Variants in COL25A1 observed in about 807,000 individuals in gnomAD.
The protein encoded by COL25A1 is collagen alpha-1(XXV) chain.
In COL25A1, 103 loss-of-function variants were observed where a neutral mutation model predicts 128.4. The observed-to-expected ratio is 0.80, with a 90% CI of 0.68 to 0.94. COL25A1 has a LOEUF of 0.94. Among genes scored for constraint, COL25A1 ranks in the 40% least tolerant of loss-of-function variants. COL25A1 has a pLI of 0.00. For synonymous variants in COL25A1, 279 were observed against 277.2 expected (o/e 1.01, Z -0.06); for missense variants, 745 against 840.0 (o/e 0.89, Z 1.40).
chr4:108,878,423 C>T (rs1739712957), intron 19 of COL25A1, among the ~76,000 whole-genome samples: 1 of 152,024 alleles, frequency 6.6e-6, no homozygotes, highest in African/African-American at 2.4e-5. Flanking sequence ...TGTCTTGACA[C>T]TGAATGCATT....
intron 8 of COL25A1, among the ~76,000 whole-genome samples, chr4:108,967,815 G>A (rs752170206): frequency 3.5e-4 from 54 of 152,184 alleles, no homozygotes; most frequent in Non-Finnish European, 7.5e-4. Flanking sequence ...TTCAACCTAG[G>A]AATCCCCGAC....
At chr4:109,254,469 T>TTATATATATATATATATATATATATATA (rs55997800) in intron 3 of COL25A1, among the ~76,000 whole-genome samples, 3 of 59,582 alleles carry the variant, frequency 5.0e-5, no homozygotes, top group African/African-American at 1.7e-4. Flanking sequence ...AGGCATATGT[T>TTATATATATATATATATATATATATATA]TATATATATA....
At chr4:109,109,254 G>A (rs4368681) in intron 3 of COL25A1, among the ~76,000 whole-genome samples, 72,871 of 151,978 alleles carry the variant, frequency 0.48, 20,822 homozygotes, top group Non-Finnish European at 0.67. Context: ...ACACCTGGCT[G>A]TGTCAAGAGT....
intron 3 of COL25A1, among the ~76,000 whole-genome samples, chr4:109,105,240 G>A (rs780145796): frequency 3.9e-5 from 6 of 152,140 alleles, no homozygotes; most frequent in Admixed American, 6.6e-5. Flanking sequence ...TTGGGAGGCC[G>A]AGGCAGGTGG....
At chr4:109,193,643 T>G (rs1291926912) in intron 3 of COL25A1, among the ~76,000 whole-genome samples, 8 of 152,176 alleles carry the variant, frequency 5.3e-5, no homozygotes, top group Admixed American at 5.2e-4. Context: ...TTCTTTTAGT[T>G]TGTTCTCCTG....
At chr4:109,074,246 C>T (rs10010263) in intron 3 of COL25A1, among the ~76,000 whole-genome samples, 14,882 of 152,206 alleles carry the variant, frequency 0.098, 996 homozygotes, top group East Asian at 0.29. Context: ...TGCTGTGCAG[C>T]CCAGTTCCTA....
intron 3 of COL25A1, among the ~76,000 whole-genome samples, chr4:109,172,961 G>C (rs1773727200): frequency 6.6e-6 from 1 of 152,120 alleles, no homozygotes. Flanking sequence ...AAACATCTTA[G>C]GATTGATGAC....
intron 8 of COL25A1, among the ~76,000 whole-genome samples, chr4:108,953,015 C>T (rs1477866570): frequency 1.3e-5 from 2 of 151,926 alleles, no homozygotes; most frequent in African/African-American, 4.8e-5. Context: ...TAATGGTAGC[C>T]TCTTTCCTAT....
chr4:108,844,963 C>T (rs1734912779), intron 29 of COL25A1, among the ~76,000 whole-genome samples: 1 of 152,136 alleles, frequency 6.6e-6, no homozygotes, highest in South Asian at 2.1e-4. Flanking sequence ...TTTTTTTCCT[C>T]AGGATTAGAC....
intron 3 of COL25A1, among the ~76,000 whole-genome samples, chr4:109,237,885 A>G (rs1369808570): frequency 6.6e-6 from 1 of 152,008 alleles, no homozygotes; most frequent in Non-Finnish European, 1.5e-5. Flanking sequence ...TGACTACTCT[A>G]AGTACCTCAT....
chr4:109,220,133 A>G (rs1578475245), intron 3 of COL25A1, among the ~76,000 whole-genome samples: 1 of 152,172 alleles, frequency 6.6e-6, no homozygotes, highest in Non-Finnish European at 1.5e-5. Context: ...ATATTCTATA[A>G]GGGAAAAATT....
intron 3 of COL25A1, among the ~76,000 whole-genome samples, chr4:109,276,886 A>T (rs79122888): frequency 0.031 from 4,665 of 152,238 alleles, 210 homozygotes; most frequent in African/African-American, 0.094. Flanking sequence ...ATAGCCCACC[A>T]CACACTGGAA....
At chr4:109,107,439 T>C (rs984136690) in intron 3 of COL25A1, among the ~76,000 whole-genome samples, 6 of 152,222 alleles carry the variant, frequency 3.9e-5, no homozygotes, top group African/African-American at 1.4e-4. Flanking sequence ...ATATGTATTA[T>C]AGATGTTTTG....
At chr4:109,182,949 C>CAA (rs927854181) in intron 3 of COL25A1, among the ~76,000 whole-genome samples, 4 of 152,068 alleles carry the variant, frequency 2.6e-5, no homozygotes, top group African/African-American at 4.8e-5. Context: ...CACACACACA[C>CAA]AAAGAATCAG....
intron 8 of COL25A1, among the ~76,000 whole-genome samples, chr4:108,969,180 T>C (rs1006498320): frequency 3.3e-5 from 5 of 152,148 alleles, no homozygotes; most frequent in African/African-American, 1.2e-4. Context: ...GTAAACCTTA[T>C]TGATTGGATG....
chr4:108,979,092 T>G (rs1752708197), intron 6 of COL25A1, among the ~76,000 whole-genome samples: 1 of 152,212 alleles, frequency 6.6e-6, no homozygotes, highest in African/African-American at 2.4e-5. Flanking sequence ...ATTAACTTCC[T>G]ACACCAAAGG....
chr4:109,114,112 A>T (rs1049234782), intron 3 of COL25A1, among the ~76,000 whole-genome samples: 1 of 152,116 alleles, frequency 6.6e-6, no homozygotes. Context: ...GAAGTGAAAC[A>T]TCCTTCCCAC....
rs1733970618 is a variant in COL25A1 at position 108,837,678 on chromosome 4, AC to A, written c.1656+4016del. Among the ~76,000 whole-genome samples the A allele has an allele frequency of 6.6e-5, 10 of 152,332 alleles. 1 individual carries two copies. The South Asian group carries it at 2.1e-3, about 32-fold the overall frequency. ...CTCCATCAACAATGGCCAATTCCAT[AC>A]CTGCCACCAACAGAGGGCTACAGTT... On this transcript the variant is annotated intron_variant, in intron 31 of 37. Transcript: ENST00000399132.
At chr4:108,853,433 A>G (rs1736061194) in intron 24 of COL25A1, among the ~76,000 whole-genome samples, 2 of 152,032 alleles carry the variant, frequency 1.3e-5, no homozygotes, top group Admixed American at 1.3e-4. Context: ...TAGTCGACAT[A>G]GAATTAATCT....
Sources: allele counts gnomAD v4.1 joint callset (sites outside exome capture counted in the v4.1 genomes callset), GRCh38; gene constraint gnomAD v4.1.1; transcripts MANE v1.5; gene names NCBI Gene and HGNC (gene_info 2026-07-23, HGNC 2026-07-21).